RGS7: variants seen among roughly 807,000 people sequenced by gnomAD.
The protein encoded by RGS7 is regulator of G-protein signaling 7.
Under a neutral mutation model 81.1 loss-of-function variants are expected in RGS7, and 27 were observed. That is an observed-to-expected ratio of 0.33 (90% CI 0.25 to 0.46). The LOEUF is 0.46. Ranked by LOEUF, RGS7 falls within the 20% of genes least tolerant of loss-of-function variation. The pLI is 1.00. For missense variants in RGS7, 396 were observed against 607.4 expected, an observed-to-expected ratio of 0.65 and a Z score of 3.66; for synonymous variants, 208 against 207.7, an observed-to-expected ratio of 1.00 and a Z score of -0.01.
At chr1:240,884,446 A>C (rs1283108271) in intron 6 of RGS7, among the ~76,000 whole-genome samples, 2 of 152,224 alleles carry the variant, frequency 1.3e-5, no homozygotes. Flanking sequence ...GGATAAGAAG[A>C]ATCACACATG....
intron 18 of RGS7, among the ~76,000 whole-genome samples, chr1:240,787,789 G>T (rs1685315813): frequency 1.3e-5 from 2 of 152,132 alleles, no homozygotes; most frequent in Admixed American, 6.5e-5. Flanking sequence ...AATGAACGAA[G>T]AAACCTAGCA....
chr1:240,797,914 C>A (rs561736479), intron 18 of RGS7, among the ~76,000 whole-genome samples: 2 of 152,088 alleles, frequency 1.3e-5, no homozygotes, highest in African/African-American at 2.4e-5. Flanking sequence ...AACCCCAATG[C>A]GGGCATTACA....
chr1:241,113,391 C>T (rs960803201), intron 2 of RGS7, among the ~76,000 whole-genome samples: 6 of 152,080 alleles, frequency 3.9e-5, no homozygotes, highest in African/African-American at 1.4e-4. Flanking sequence ...CATAGAGACA[C>T]CTAGGTAGTT....
chr1:240,836,148 G>C (rs1206612093), intron 9 of RGS7, among the ~76,000 whole-genome samples: 1 of 151,956 alleles, frequency 6.6e-6, no homozygotes, highest in Non-Finnish European at 1.5e-5. Flanking sequence ...GTGGGGTTGG[G>C]GGTGGGGGGT....
At position 240,988,152 on chromosome 1, in the gene RGS7, C is replaced by T. The variant is rs1228540915; in HGVS notation, c.176-5023G>A. Among the ~76,000 whole-genome samples the T allele has an allele frequency of 2.6e-5, 4 of 151,332 alleles. No individual in the cohort carries two copies. In the East Asian group the frequency reaches 7.7e-4, roughly 29 times the overall value. On this transcript the variant is annotated intron_variant, in intron 3 of 18. Coordinates refer to ENST00000440928, the MANE Select transcript of RGS7 (RefSeq NM_001364886.1). ...ATCATCGTTAAATGTTTACTGAAGG[C>T]ATGAGTCACTATTTATGGACATCTA...
intron 2 of RGS7, among the ~76,000 whole-genome samples, chr1:241,295,013 C>T (rs907180077): frequency 4.6e-5 from 7 of 152,132 alleles, no homozygotes; most frequent in Admixed American, 1.3e-4. Flanking sequence ...CAAAAATAAA[C>T]GGAGGTGAAA....
intron 2 of RGS7, among the ~76,000 whole-genome samples, chr1:241,178,678 A>G (rs1187258561): frequency 6.6e-6 from 1 of 152,208 alleles, no homozygotes; most frequent in Non-Finnish European, 1.5e-5. Flanking sequence ...GCCTAAGATA[A>G]AGGCAGTTTT....
chr1:240,882,089 G>A (rs894540940), intron 6 of RGS7, among the ~76,000 whole-genome samples: 4 of 152,040 alleles, frequency 2.6e-5, no homozygotes, highest in South Asian at 2.1e-4. Context: ...TAACTTTTGT[G>A]TTTTTAGTAG....
At chr1:240,808,056 G>GAAAA (rs1689196775) in intron 14 of RGS7, among the ~76,000 whole-genome samples, 1 of 144,084 alleles carries the variant, frequency 6.9e-6, no homozygotes, top group Non-Finnish European at 1.5e-5. Context: ...AAAAAAAAAG[G>GAAAA]GAATACTACG....
At chr1:241,152,161 T>C (rs1330423595) in intron 2 of RGS7, among the ~76,000 whole-genome samples, 1 of 150,068 alleles carries the variant, frequency 6.7e-6, no homozygotes, top group Non-Finnish European at 1.5e-5. Flanking sequence ...AAAAAGATCT[T>C]TGGGCAAGCC....
chr1:241,077,287 A>C (rs2062857592), intron 3 of RGS7, among the ~76,000 whole-genome samples: 1 of 152,230 alleles, frequency 6.6e-6, no homozygotes, highest in Non-Finnish European at 1.5e-5. Context: ...CTGGGCTGTC[A>C]TGAAAATGGA....
At chr1:241,128,360 G>A (rs369899798) in intron 2 of RGS7, among the ~76,000 whole-genome samples, 1 of 151,684 alleles carries the variant, frequency 6.6e-6, no homozygotes, top group East Asian at 1.9e-4. Context: ...AAGGCAGGCA[G>A]ATCACTTGAC....
chr1:240,776,147 C>G lies in RGS7; in HGVS notation c.*73G>C, dbSNP rs1181612088. The G allele has an allele frequency of 3.1e-6, 5 of 1,599,180 alleles. No individual in the cohort carries two copies. Among genetic ancestry groups the G allele is most frequent in the Non-Finnish European group, 4.3e-6 (5 of 1,166,412 alleles). Reference sequence around the variant, plus strand: ...GCAGTGACTCCAGTCTGCATTCATGCTACAAGATGATCCGTTTAGTAAGAC... The same window carrying G: ...GCAGTGACTCCAGTCTGCATTCATGGTACAAGATGATCCGTTTAGTAAGAC... On this transcript the variant is annotated 3_prime_UTR_variant, in exon 19 of 19. Transcript: ENST00000440928.
chr1:240,951,886 G>A (rs1291939431), intron 4 of RGS7, among the ~76,000 whole-genome samples: 4 of 151,984 alleles, frequency 2.6e-5, no homozygotes, highest in African/African-American at 7.2e-5. Flanking sequence ...TGAAAAAAGC[G>A]AGAAAAATAT....
chr1:241,294,058 A>G (rs1486628108), intron 2 of RGS7, among the ~76,000 whole-genome samples: 1 of 152,224 alleles, frequency 6.6e-6, no homozygotes, highest in Non-Finnish European at 1.5e-5. Context: ...CATCGGTGAT[A>G]GACTGGATAA....
At chr1:241,243,366 G>T (rs1311506659) in intron 2 of RGS7, among the ~76,000 whole-genome samples, 2 of 152,210 alleles carry the variant, frequency 1.3e-5, no homozygotes, top group Non-Finnish European at 2.9e-5. Flanking sequence ...TTTTGAGCAG[G>T]AAAGTGATAT....
rs536716863 is a variant in RGS7, at chr1:240,997,767, T to G, written c.176-14638A>C. Among the ~76,000 whole-genome samples the G allele has an allele frequency of 8.5e-5, 13 of 152,326 alleles. No homozygotes were observed. The South Asian group carries it at 2.5e-3, about 29-fold the overall frequency. ...TGAATCCAGGAGACAGAGGTTGCAG[T>G]GAGCGGAGATCGTGCCACTGCACTC... On this transcript the variant is annotated intron_variant, in intron 3 of 18. Transcript: ENST00000440928.
At chr1:241,190,140 C>CACCATCTA (rs1442759133) in intron 2 of RGS7, among the ~76,000 whole-genome samples, 1 of 152,098 alleles carries the variant, frequency 6.6e-6, no homozygotes, top group Non-Finnish European at 1.5e-5. Flanking sequence ...TATGGGTATA[C>CACCATCTA]TTCCACACCA....
In RGS7 at chr1:241,163,480, A is replaced by G. The variant is rs1393352532; in HGVS notation, c.79-64718T>C. On this transcript the variant is annotated intron_variant, in intron 2 of 18. Coordinates refer to ENST00000440928, the MANE Select transcript of RGS7 (RefSeq NM_001364886.1). This position sits in a 1 kb window ranked among gnomAD's most constrained non-coding sequence, Gnocchi z 4.6. ...CATTGATGTAGCCAGGCTTTCTCCA[A>G]GGGCCTCCCCTGTCCTCTTCCAGAT... Among the ~76,000 whole-genome samples, 2 of 152,276 alleles carry G rather than the reference A, an allele frequency of 1.3e-5. No homozygotes were observed. Among genetic ancestry groups the G allele is most frequent in the East Asian group, 3.9e-4 (2 of 5,188 alleles).
Sources: gnomAD v4.1 joint callset for allele counts (sites outside exome capture counted in the v4.1 genomes callset) on GRCh38, gnomAD v4.1.1 for gene constraint, Gnocchi (gnomAD v3.1) non-coding constraint, MANE v1.5 for transcripts, NCBI Gene and HGNC (gene_info 2026-07-23, HGNC 2026-07-21) for gene names.